The following XRCC2 variants were observed in gnomAD, a reference collection of about 807,000 sequenced individuals.
The protein encoded by XRCC2 is X-ray repair cross complementing 2, also known as DNA repair protein XRCC2.
Under a neutral mutation model 27.3 loss-of-function variants are expected in XRCC2, and 24 were observed. That is an observed-to-expected ratio of 0.88 (90% CI 0.64 to 1.24). XRCC2 has a LOEUF of 1.24. XRCC2 is among the 50% of genes most tolerant of loss of function. XRCC2 has a pLI of 0.00. For missense variants in XRCC2, 321 were observed against 325.8 expected, an observed-to-expected ratio of 0.99 and a Z score of 0.11; for synonymous variants, 106 against 115.4, an observed-to-expected ratio of 0.92 and a Z score of 0.52.
chr7:152,675,921 G>A, intron 1 of XRCC2, 120 bp downstream of exon 1: 1 of 1,379,956 alleles, frequency 7.2e-7, no homozygotes, highest in Non-Finnish European at 1.0e-6. Context: ...CGAGAGGCCG[G>A]TCCCAGCCCG....
chr7:152,656,832 G>A (rs1399515015), intron 2 of XRCC2, among the ~76,000 whole-genome samples: 1 of 152,120 alleles, frequency 6.6e-6, no homozygotes, highest in Admixed American at 6.5e-5. Flanking sequence ...CAAATCTGCT[G>A]TACAAAAAAT....
At chr7:152,654,423 A>AG (rs2098029885) in intron 2 of XRCC2, among the ~76,000 whole-genome samples, 5 of 152,226 alleles carry the variant, frequency 3.3e-5, no homozygotes, top group Admixed American at 6.5e-5. Flanking sequence ...AAAACCAGGA[A>AG]GAAAAACATT....
At chr7:152,657,986 G>A (rs2098031432) in intron 2 of XRCC2, among the ~76,000 whole-genome samples, 1 of 72,266 alleles carries the variant, frequency 1.4e-5, no homozygotes, top group South Asian at 4.1e-4. Context: ...TTCTTTTTGA[G>A]ACGGAGTCTT....
intron 1 of XRCC2, among the ~76,000 whole-genome samples, chr7:152,669,100 CA>C (rs2098037156): frequency 1.3e-5 from 2 of 152,048 alleles, no homozygotes; most frequent in South Asian, 2.1e-4. Flanking sequence ...AAAATCAGGC[CA>C]GGTGCAGTGG....
chr7:152,655,076 T>G (rs2098030169), intron 2 of XRCC2, among the ~76,000 whole-genome samples: 1 of 152,196 alleles, frequency 6.6e-6, no homozygotes, highest in South Asian at 2.1e-4. Context: ...CCAGCCAAAT[T>G]ATGGAACGTG....
chr7:152,660,217 G>A lies in XRCC2; in HGVS notation c.121+484C>T, dbSNP rs182130057. ...ATGCTCTAAAGTCAGCTGTGGTAACGGTTGCACAACTGTGTAATAACCTAA... is the reference window on the plus strand; with the variant it reads ...ATGCTCTAAAGTCAGCTGTGGTAACAGTTGCACAACTGTGTAATAACCTAA... On this transcript the variant is annotated intron_variant, in intron 2 of 2. Transcript: ENST00000359321. Among the ~76,000 whole-genome samples, 483 of 152,170 alleles carry A rather than the reference G, an allele frequency of 3.2e-3. 3 individuals are homozygous for A. Among genetic ancestry groups the A allele is most frequent in the Non-Finnish European group, 4.7e-3 (323 of 68,008 alleles).
At position 152,648,424 on chromosome 7, in the gene XRCC2, A is replaced by G; in HGVS notation, c.*218T>C. 1 of 365,722 alleles carries G rather than the reference A, an allele frequency of 2.7e-6. No homozygotes were observed. Among genetic ancestry groups the G allele is most frequent in the East Asian group, 4.3e-5 (1 of 23,102 alleles). The allele number at this position is 365,722 out of a possible 1,614,324, so 22.7% of individuals were successfully genotyped here. On this transcript the variant is annotated 3_prime_UTR_variant, in exon 3 of 3. Transcript: ENST00000359321. Reference sequence around the variant, plus strand: ...GACTGTTTCAAAAAGAAAAAAAAAAAAAAAGAAAACTTTTGGCCACGAGCA... The same window carrying G: ...GACTGTTTCAAAAAGAAAAAAAAAAGAAAAGAAAACTTTTGGCCACGAGCA...
In XRCC2 at chr7:152,648,694, C is replaced by A; in HGVS notation, c.791G>T (p.Ser264Ile). ...AATAATAAAAAAATGTTTTTTTAAA[C>A]TGTTACTTTTTAAACAACGTGAAAC... The part of the protein sequence containing the change: ...SLVSRCLKSN[S>I]LKKHFFIIGE... Residue 264 changes from serine to isoleucine, a missense_variant, in exon 3 of 3, where the codon AGT (serine) becomes ATT (isoleucine). Physicochemically the swap from Ser to Ile is moderately radical, Grantham distance 142. Transcript: ENST00000359321. The A allele has an allele frequency of 6.2e-7, 1 of 1,607,116 alleles. No homozygotes were observed. The highest frequency in any genetic ancestry group is 8.5e-7 in the Non-Finnish European group (1 of 1,178,256).
At chr7:152,671,973 C>G (rs1195447989) in intron 1 of XRCC2, among the ~76,000 whole-genome samples, 1 of 152,074 alleles carries the variant, frequency 6.6e-6, no homozygotes, top group Non-Finnish European at 1.5e-5. Context: ...CCCAGGAGGT[C>G]AAGGCTGCAG....
In XRCC2 at chr7:152,645,501, TAATCTGCTTATAGATGATA is replaced by T. The variant is rs1563024390; in HGVS notation, c.*3122_*3140del. 6.6e-6 allele frequency: 1 copy of T among 152,208 alleles called. No homozygotes were observed. The allele number at this position is 152,208 out of a possible 1,614,324, so 9.4% of individuals were successfully genotyped here. ...AAATTTGCTAAACTCTTAATTCTAA[TAATCTGCTTATAGATGATA>T]TTGGATTTCCATACATACAATCATC... On this transcript the variant is annotated 3_prime_UTR_variant, in exon 3 of 3. Coordinates refer to ENST00000359321, the MANE Select transcript of XRCC2 (RefSeq NM_005431.2).
intron 1 of XRCC2, among the ~76,000 whole-genome samples, chr7:152,668,132 C>A (rs576671913): frequency 6.6e-6 from 1 of 152,028 alleles, no homozygotes; most frequent in Non-Finnish European, 1.5e-5. Context: ...AACCACAGTT[C>A]GGAACTATTA....
At position 152,649,386 on chromosome 7, in the gene XRCC2, A is replaced by T. The variant is rs377729349; in HGVS notation, c.122-23T>A. On this transcript the variant is annotated intron_variant, in intron 2 of 2. Transcript: ENST00000359321. ...CACCTGTGTAAAATTTAAAAATCTCAGTCAAAATGCAGTAGCTCAAGGGTA... is the reference window on the plus strand; with the variant it reads ...CACCTGTGTAAAATTTAAAAATCTCTGTCAAAATGCAGTAGCTCAAGGGTA... The T allele has an allele frequency of 2.6e-6, 4 of 1,535,576 alleles. No individual in the cohort carries two copies. In the African/African-American group the frequency reaches 4.2e-5, roughly 16 times the overall value.
At chr7:152,653,058 CA>C (rs1471897244) in intron 2 of XRCC2, among the ~76,000 whole-genome samples, 1 of 152,126 alleles carries the variant, frequency 6.6e-6, no homozygotes, top group African/African-American at 2.4e-5. Context: ...TGTCCCCACC[CA>C]AATCTCATTT....
At chr7:152,674,723 A>AT (rs2098039795) in intron 1 of XRCC2, among the ~76,000 whole-genome samples, 1 of 102,376 alleles carries the variant, frequency 9.8e-6, no homozygotes, top group Non-Finnish European at 1.9e-5. Context: ...TATATTTTTA[A>AT]ATATATATTA....
chr7:152,668,379 T>C (rs1411935466), intron 1 of XRCC2, among the ~76,000 whole-genome samples: 1 of 152,132 alleles, frequency 6.6e-6, no homozygotes, highest in East Asian at 1.9e-4. Context: ...TTGGAACATA[T>C]CCTCCATGGA....
At chr7:152,657,445 A>G (rs1038964817) in intron 2 of XRCC2, among the ~76,000 whole-genome samples, 91 of 151,638 alleles carry the variant, frequency 6.0e-4, no homozygotes, top group African/African-American at 2.1e-3. Context: ...GATTACAGGC[A>G]CCCGCCATCA....
At chr7:152,670,900 GTT>G (rs1171821209) in intron 1 of XRCC2, among the ~76,000 whole-genome samples, 1 of 151,994 alleles carries the variant, frequency 6.6e-6, no homozygotes, top group Admixed American at 6.6e-5. Flanking sequence ...CCATACAGAT[GTT>G]TTTAAACATC....
chr7:152,651,905 C>T (rs1349125120), intron 2 of XRCC2, among the ~76,000 whole-genome samples: 2 of 151,882 alleles, frequency 1.3e-5, no homozygotes, highest in African/African-American at 2.4e-5. Context: ...TAGTGGCTCA[C>T]ATCTGTAATC....
chr7:152,649,474 A>C, intron 2 of XRCC2, 111 bp from the exon 3 acceptor site: 1 of 1,346,806 alleles, frequency 7.4e-7, no homozygotes, highest in Non-Finnish European at 9.9e-7. Flanking sequence ...GTGAAAGAAA[A>C]TCTAAATTCA....
Sources: gnomAD v4.1 joint callset for allele counts (sites outside exome capture counted in the v4.1 genomes callset) on GRCh38, gnomAD v4.1.1 for gene constraint, MANE v1.5 for transcripts, NCBI Gene and HGNC (gene_info 2026-07-23, HGNC 2026-07-21) for gene names.